HDAC4: variants seen among roughly 807,000 people sequenced by gnomAD.
The protein encoded by HDAC4 is histone deacetylase A.
In HDAC4, 16 loss-of-function variants were observed where a neutral mutation model predicts 135.1. The ratio of observed to expected loss-of-function variants is 0.12; its 90% confidence interval spans 0.08 to 0.18. The LOEUF (loss-of-function observed/expected upper bound fraction) is 0.18. Among genes scored for constraint, HDAC4 ranks in the 10% least tolerant of loss-of-function variants. The probability of loss-of-function intolerance (pLI) is 1.00; values close to 1 mark genes in which losing one functional copy is unlikely to be tolerated. For missense variants in HDAC4, 1,143 were observed against 1,511.8 expected (o/e 0.76, Z 4.05); for synonymous variants, 685 against 653.4 (o/e 1.05, Z -0.74).
intron 5 of HDAC4, among the ~76,000 whole-genome samples, chr2:239,169,878 G>A (rs1203625683): frequency 6.6e-6 from 1 of 152,208 alleles, no homozygotes; most frequent in African/African-American, 2.4e-5. Flanking sequence ...AATCCCTGGG[G>A]ATTAAGTCAC....
In HDAC4 at chr2:239,313,062, G is replaced by C. The variant is rs1381401972; in HGVS notation, c.22+39616C>G. On this transcript the variant is annotated intron_variant, in intron 2 of 26. Coordinates refer to ENST00000543185, the MANE Select transcript of HDAC4 (RefSeq NM_001378414.1). The surrounding 1 kb of genome is among the most constrained non-coding windows in gnomAD (Gnocchi z 5.1). ...CAAGGTGGCCAGCCTGGGGCAGGGT[G>C]TTCCCCCAGCCAGGGAGCTTCACTC... Among the ~76,000 whole-genome samples, 6 of 152,176 alleles carry C rather than the reference G, an allele frequency of 3.9e-5. No homozygotes were observed. Among genetic ancestry groups the C allele is most frequent in the African/African-American group, 1.4e-4 (6 of 41,442 alleles).
intron 6 of HDAC4, 61 bp downstream of exon 6, chr2:239,163,742 A>C: frequency 6.4e-7 from 1 of 1,571,002 alleles, no homozygotes; most frequent in African/African-American, 1.3e-5. Context: ...TCTACCGGCG[A>C]TCAGACAGTC....
intron 12 of HDAC4, among the ~76,000 whole-genome samples, chr2:239,118,734 TAG>T (rs1448759990): frequency 6.6e-6 from 1 of 152,148 alleles, no homozygotes; most frequent in Non-Finnish European, 1.5e-5. Flanking sequence ...TGTTTCCGGT[TAG>T]ACTTTCACAA....
At chr2:239,228,458 C>T (rs186071009) in intron 3 of HDAC4, among the ~76,000 whole-genome samples, 33 of 152,236 alleles carry the variant, frequency 2.2e-4, no homozygotes, top group African/African-American at 7.7e-4. Context: ...GCTGTGTACG[C>T]CACGTGAAAG....
chr2:239,084,456 C>CGT (rs540687190), intron 19 of HDAC4, among the ~76,000 whole-genome samples: 168 of 125,352 alleles, frequency 1.3e-3, no homozygotes, highest in Non-Finnish European at 2.1e-3. Flanking sequence ...CACTCACACG[C>CGT]GTGCGCGCGC....
chr2:239,394,854 C>T (rs1696458621), intron 1 of HDAC4, among the ~76,000 whole-genome samples: 1 of 152,258 alleles, frequency 6.6e-6, no homozygotes, highest in South Asian at 2.1e-4. Context: ...CTGCCAAGCA[C>T]AGGGTACAGA....
rs773325425 is a variant in HDAC4, at chr2:239,189,850, G to T, written c.322C>A (p.Leu108Ile). Residue 108 changes from leucine (L) to isoleucine (I), a missense_variant, in exon 4 of 27, where the codon CTC (leucine) becomes ATC (isoleucine). Coordinates refer to ENST00000543185, the MANE Select transcript of HDAC4 (RefSeq NM_001378414.1). ...EQLSRQHEAQ[L>I]HEHIKQQQEM... ...CGCCTCACCTTGATGTGCTCGTGGA[G>T]CTGCGCCTCGTGCTGCCGGGAGAGC... 1 of 1,607,982 alleles carries T rather than the reference G, an allele frequency of 6.2e-7. No homozygotes were observed. Among genetic ancestry groups the T allele is most frequent in the Non-Finnish European group, 8.5e-7 (1 of 1,179,748 alleles).
chr2:239,092,563 C>T (rs1217946240), intron 17 of HDAC4, among the ~76,000 whole-genome samples: 1 of 152,218 alleles, frequency 6.6e-6, no homozygotes, highest in African/African-American at 2.4e-5. Flanking sequence ...TGTGCCCCCT[C>T]CCATGGGACC....
At chr2:239,389,135 T>C (rs2411845) in intron 1 of HDAC4, among the ~76,000 whole-genome samples, 28,766 of 152,120 alleles carry the variant, frequency 0.19, 2,923 homozygotes, top group African/African-American at 0.23. Flanking sequence ...CAGCACTCTG[T>C]GTCTAGCTAA....
chr2:239,297,027 TAAAA>T (rs71043186), intron 2 of HDAC4, among the ~76,000 whole-genome samples: 6,014 of 118,180 alleles, frequency 0.051, 258 homozygotes, highest in African/African-American at 0.12. Context: ...TGTTTTCATG[TAAAA>T]AAAAAAAAAA....
At chr2:239,192,132 T>C (rs1043835557) in intron 3 of HDAC4, among the ~76,000 whole-genome samples, 2 of 152,146 alleles carry the variant, frequency 1.3e-5, no homozygotes, top group African/African-American at 2.4e-5. Flanking sequence ...AAACTGCGTG[T>C]TCAATGTGCG....
intron 2 of HDAC4, among the ~76,000 whole-genome samples, chr2:239,254,089 T>C (rs909559361): frequency 1.3e-5 from 2 of 152,200 alleles, no homozygotes; most frequent in Admixed American, 6.5e-5. Flanking sequence ...CAGATTCATA[T>C]TCTTTGAGTA....
chr2:239,297,478 AG>A (rs1436798820), intron 2 of HDAC4, among the ~76,000 whole-genome samples: 4 of 152,368 alleles, frequency 2.6e-5, no homozygotes, highest in Admixed American at 2.6e-4. Flanking sequence ...GGGGTTGCAG[AG>A]GTCAAGTCCA....
intron 3 of HDAC4, among the ~76,000 whole-genome samples, chr2:239,232,456 G>A (rs79647257): frequency 0.013 from 1,924 of 152,272 alleles, 117 homozygotes; most frequent in Admixed American, 0.097. Context: ...GCAGAGAACC[G>A]GGGGTCACGA....
chr2:239,293,008 C>T (rs947292195), intron 2 of HDAC4, among the ~76,000 whole-genome samples: 1 of 152,194 alleles, frequency 6.6e-6, no homozygotes, highest in African/African-American at 2.4e-5. Context: ...AGCTGAATGT[C>T]CCTATAGACA....
chr2:239,242,259 A>AGGGAGGGAG (rs1291753989), intron 2 of HDAC4, among the ~76,000 whole-genome samples: 1 of 150,126 alleles, frequency 6.7e-6, no homozygotes, highest in African/African-American at 2.5e-5. Flanking sequence ...GGAGGGAGGG[A>AGGGAGGGAG]AACGAACAGT....
rs1316288103 is a variant in HDAC4 at position 239,308,880 on chromosome 2, C to A, written c.22+43798G>T. 1.3e-5 allele frequency among the ~76,000 whole-genome samples: 2 copies of A among 152,242 alleles called. No individual in the cohort carries two copies. The highest frequency in any genetic ancestry group is 4.8e-5 in the African/African-American group (2 of 41,470). On this transcript the variant is annotated intron_variant, in intron 2 of 26. Coordinates refer to ENST00000543185, the MANE Select transcript of HDAC4 (RefSeq NM_001378414.1). This position sits in a 1 kb window ranked among gnomAD's most constrained non-coding sequence, Gnocchi z 4.2. ...CGAAAGACGGGTTCCCCTTCCTCTA[C>A]ACCCAAGCCCTCGGAAGCACGCTGC... is the stretch of plus-strand genomic sequence containing the variant.
chr2:239,372,269 T>C (rs1256702711), intron 1 of HDAC4, among the ~76,000 whole-genome samples: 1 of 152,194 alleles, frequency 6.6e-6, no homozygotes, highest in African/African-American at 2.4e-5. Context: ...AAGCCGGCAC[T>C]GGAAGGGCCC....
intron 7 of HDAC4, among the ~76,000 whole-genome samples, chr2:239,151,472 T>C (rs1162476045): frequency 6.6e-6 from 1 of 151,968 alleles, no homozygotes; most frequent in Non-Finnish European, 1.5e-5. Context: ...ATGTTTCCCA[T>C]GGGCAGCCGT....
Sources: gnomAD v4.1 joint callset for allele counts (sites outside exome capture counted in the v4.1 genomes callset) on GRCh38, gnomAD v4.1.1 for gene constraint, Gnocchi (gnomAD v3.1) non-coding constraint, MANE v1.5 for transcripts, NCBI Gene and HGNC (gene_info 2026-07-23, HGNC 2026-07-21) for gene names.